IRAK2: variants seen among roughly 807,000 people sequenced by gnomAD.
IRAK2 encodes the protein interleukin 1 receptor associated kinase 2.
Under a neutral mutation model 72.0 loss-of-function variants are expected in IRAK2, and 57 were observed. The observed-to-expected ratio is 0.79, with a 90% CI of 0.64 to 0.99. IRAK2 has a LOEUF of 0.99. Ranked by LOEUF, IRAK2 falls within the 50% of genes least tolerant of loss-of-function variation. IRAK2 has a pLI of 0.00. For synonymous variants in IRAK2, 293 were observed against 312.7 expected (o/e 0.94, Z 0.67); for missense variants, 790 against 794.4 (o/e 0.99, Z 0.07).
chr3:10,225,339 G>A (rs1026666038), intron 9 of IRAK2, among the ~76,000 whole-genome samples: 2 of 152,098 alleles, frequency 1.3e-5, no homozygotes, highest in Non-Finnish European at 2.9e-5. Context: ...TTAGTTACTT[G>A]CCTAAAGATC....
At chr3:10,216,904 C>A (rs768766373) in intron 6 of IRAK2, 30 bp from the exon 7 acceptor site, 1 of 1,524,252 alleles carries the variant, frequency 6.6e-7, no homozygotes, top group Non-Finnish European at 9.1e-7. Flanking sequence ...CCGTCTGACT[C>A]CTCACACCTG....
intron 8 of IRAK2, among the ~76,000 whole-genome samples, chr3:10,220,146 C>A (rs1051549016): frequency 6.6e-6 from 1 of 152,218 alleles, no homozygotes; most frequent in Non-Finnish European, 1.5e-5. Flanking sequence ...TGCCAACCCC[C>A]TGGGATTTTG....
At chr3:10,184,769 G>A (rs1279781413) in intron 2 of IRAK2, among the ~76,000 whole-genome samples, 11 of 129,766 alleles carry the variant, frequency 8.5e-5, no homozygotes, top group Non-Finnish European at 1.1e-4. Flanking sequence ...TTGCTCTGTC[G>A]CCCAGGCTGG....
intron 3 of IRAK2, among the ~76,000 whole-genome samples, chr3:10,202,886 C>A (rs2125152460): frequency 6.6e-6 from 1 of 152,018 alleles, no homozygotes; most frequent in African/African-American, 2.4e-5. Flanking sequence ...GATGGGATCT[C>A]ATTATGTTGC....
intron 1 of IRAK2, among the ~76,000 whole-genome samples, chr3:10,171,671 A>C (rs1696795710): frequency 7.1e-6 from 1 of 141,602 alleles, no homozygotes; most frequent in African/African-American, 2.7e-5. Flanking sequence ...CTAGGTGGGA[A>C]AATTTCTTGA....
At chr3:10,240,542 C>T (rs1288500642) in intron 12 of IRAK2, among the ~76,000 whole-genome samples, 1 of 16,902 alleles carries the variant, frequency 5.9e-5, no homozygotes, top group Non-Finnish European at 1.1e-4. Flanking sequence ...AGGAAGCCCC[C>T]CCCCCCCCCC....
intron 10 of IRAK2, among the ~76,000 whole-genome samples, chr3:10,227,544 T>A (rs1262640729): frequency 6.6e-6 from 1 of 152,066 alleles, no homozygotes; most frequent in Non-Finnish European, 1.5e-5. Flanking sequence ...CATGATAGAG[T>A]CATTATATTC....
intron 4 of IRAK2, among the ~76,000 whole-genome samples, chr3:10,212,012 G>A (rs890510460): frequency 1.3e-5 from 2 of 149,830 alleles, no homozygotes; most frequent in Admixed American, 6.6e-5. Flanking sequence ...CCTGGGAGGC[G>A]GAGCTTGCAG....
chr3:10,169,460 C>T (rs916849614), intron 1 of IRAK2, among the ~76,000 whole-genome samples: 3 of 150,454 alleles, frequency 2.0e-5, no homozygotes, highest in African/African-American at 7.5e-5. Flanking sequence ...GTTCCTTCCC[C>T]AGGGTTATCA....
chr3:10,211,322 A>G (rs1697517650), intron 4 of IRAK2, among the ~76,000 whole-genome samples: 2 of 148,624 alleles, frequency 1.3e-5, no homozygotes, highest in African/African-American at 2.5e-5. Context: ...TTGTATTTTT[A>G]GTAGAGACAC....
At chr3:10,182,443 C>G (rs1049685080) in intron 2 of IRAK2, among the ~76,000 whole-genome samples, 3 of 151,822 alleles carry the variant, frequency 2.0e-5, no homozygotes, top group Non-Finnish European at 4.4e-5. Flanking sequence ...CCACCACGCC[C>G]GGCTAATTTT....
At chr3:10,206,974 C>T (rs1382893336) in intron 3 of IRAK2, among the ~76,000 whole-genome samples, 2 of 152,132 alleles carry the variant, frequency 1.3e-5, no homozygotes, top group African/African-American at 2.4e-5. Flanking sequence ...CTGCCTTAGC[C>T]TCCCAAGTAG....
intron 1 of IRAK2, among the ~76,000 whole-genome samples, chr3:10,169,474 A>T (rs1457941340): frequency 6.6e-6 from 1 of 152,200 alleles, no homozygotes; most frequent in Non-Finnish European, 1.5e-5. Context: ...GTTATCAATT[A>T]TTAATATTCC....
At chr3:10,201,861 G>A (rs1697365641) in intron 3 of IRAK2, among the ~76,000 whole-genome samples, 1 of 152,218 alleles carries the variant, frequency 6.6e-6, no homozygotes, top group Non-Finnish European at 1.5e-5. Context: ...CAGCTGAAAG[G>A]AACATGTTTT....
At chr3:10,188,781 C>A (rs1182703653) in intron 2 of IRAK2, among the ~76,000 whole-genome samples, 1 of 152,020 alleles carries the variant, frequency 6.6e-6, no homozygotes, top group Non-Finnish European at 1.5e-5. Flanking sequence ...CTGCCTTGGC[C>A]TCCCAAAGTG....
At chr3:10,194,253 A>C (rs1697230031) in intron 2 of IRAK2, among the ~76,000 whole-genome samples, 1 of 152,162 alleles carries the variant, frequency 6.6e-6, no homozygotes, top group South Asian at 2.1e-4. Context: ...GCCAGAGCCG[A>C]CGCTTCCCCA....
chr3:10,166,713 C>A (rs116466362), intron 1 of IRAK2, among the ~76,000 whole-genome samples: 1 of 152,272 alleles, frequency 6.6e-6, no homozygotes. Flanking sequence ...GGCGAGATCT[C>A]GGCTCACTGC....
chr3:10,226,561 A>C, intron 10 of IRAK2, 128 bp downstream of exon 10: 1 of 689,130 alleles, frequency 1.5e-6, no homozygotes, highest in Non-Finnish European at 2.5e-6. Flanking sequence ...TTGCATTTGC[A>C]TCCCCACAAA....
chr3:10,203,231 A>T (rs1697389639), intron 3 of IRAK2, among the ~76,000 whole-genome samples: 1 of 152,004 alleles, frequency 6.6e-6, no homozygotes, highest in African/African-American at 2.4e-5. Flanking sequence ...TCCTGGGCTC[A>T]AGCAATCCAC....
Sources: allele counts gnomAD v4.1 joint callset (sites outside exome capture counted in the v4.1 genomes callset), GRCh38; gene constraint gnomAD v4.1.1; transcripts MANE v1.5; gene names NCBI Gene and HGNC (gene_info 2026-07-23, HGNC 2026-07-21).